LTBP1: variants seen among roughly 807,000 people sequenced by gnomAD.
The protein encoded by LTBP1 is latent-transforming growth factor beta-binding protein 1.
LTBP1 carries 129 observed loss-of-function variants against 207.6 expected under a neutral mutation model. That is an observed-to-expected ratio of 0.62 (90% CI 0.54 to 0.72). The LOEUF (loss-of-function observed/expected upper bound fraction) is 0.72, where lower values mean the gene tolerates loss of function less well. LTBP1 is among the 30% of genes least tolerant of loss of function. The pLI, the probability that LTBP1 is intolerant of heterozygous loss-of-function variation, is 0.00. For synonymous variants in LTBP1, 963 were observed against 833.7 expected, an observed-to-expected ratio of 1.16 and a Z score of -2.67; for missense variants, 2,281 against 2,217.2, an observed-to-expected ratio of 1.03 and a Z score of -0.58.
chr2:33,365,639 G>GTA, intron 31 of LTBP1, 136 bp downstream of exon 31: 1 of 791,498 alleles, frequency 1.3e-6, no homozygotes, highest in Non-Finnish European at 2.0e-6. Context: ...GTGTGTGTGT[G>GTA]TGTGTGTGTG....
chr2:33,103,633 T>TGTGTGTG (rs780868356), intron 3 of LTBP1, among the ~76,000 whole-genome samples: 4,110 of 122,942 alleles, frequency 0.033, 97 homozygotes, highest in Non-Finnish European at 0.051. Context: ...GTGTGAGTGT[T>TGTGTGTG]ATGCTGCCAT....
chr2:33,337,338 G>C (rs2094564472), intron 24 of LTBP1, among the ~76,000 whole-genome samples: 1 of 152,136 alleles, frequency 6.6e-6, no homozygotes, highest in South Asian at 2.1e-4. Context: ...CAAAAGCGTG[G>C]ATCTATTAGT....
chr2:33,024,455 T>A (rs949966479), intron 3 of LTBP1, among the ~76,000 whole-genome samples: 1 of 152,190 alleles, frequency 6.6e-6, no homozygotes, highest in Non-Finnish European at 1.5e-5. Context: ...GGAGTGTGCC[T>A]GAGATGTTTG....
chr2:33,248,866 C>T lies in LTBP1; in HGVS notation c.2000-3811C>T, dbSNP rs574241183. On this transcript the variant is annotated intron_variant, in intron 10 of 33. Transcript: ENST00000404816. ...CCTCCCAAAGTGGTGGGATTACAGG[C>T]ATGAGCCACCGCGCCCAGCCATGAA... Among the ~76,000 whole-genome samples the T allele has an allele frequency of 1.0e-3, 152 of 152,296 alleles. 1 individual carries two copies. Among genetic ancestry groups the T allele is most frequent in the Admixed American group, 4.4e-3 (68 of 15,304 alleles).
At chr2:33,369,737 CTTT>C (rs2095045223) in intron 31 of LTBP1, among the ~76,000 whole-genome samples, 1 of 152,128 alleles carries the variant, frequency 6.6e-6, no homozygotes, top group Non-Finnish European at 1.5e-5. Context: ...CACAGGGGAA[CTTT>C]TCTTTTATAC....
rs114833096 is a variant in LTBP1 at position 32,974,085 on chromosome 2, A to G, written c.565+25140A>G. 7.6e-3 allele frequency among the ~76,000 whole-genome samples: 1,155 copies of G among 152,262 alleles called. 14 individuals are homozygous for G. The highest frequency in any genetic ancestry group is 0.025 in the African/African-American group (1,054 of 41,550). On this transcript the variant is annotated intron_variant, in intron 2 of 33. Transcript: ENST00000404816. ...ATAGGAGTGCAAATATCTCTTTGGT[A>G]TACTGATTTTCTTTCTTTTGGGTGT...
chr2:33,104,704 C>G (rs1311342521), intron 3 of LTBP1, among the ~76,000 whole-genome samples: 1 of 152,156 alleles, frequency 6.6e-6, no homozygotes, highest in East Asian at 1.9e-4. Context: ...TTTCCTGAAA[C>G]ATTTTTGCAT....
intron 26 of LTBP1, among the ~76,000 whole-genome samples, chr2:33,348,032 G>C (rs2094727268): frequency 6.6e-6 from 1 of 152,134 alleles, no homozygotes; most frequent in Admixed American, 6.5e-5. Flanking sequence ...TTTGATTTAG[G>C]CTGTGTCGTC....
chr2:33,220,508 T>G (rs2091034287), intron 8 of LTBP1, among the ~76,000 whole-genome samples: 1 of 152,208 alleles, frequency 6.6e-6, no homozygotes, highest in Non-Finnish European at 1.5e-5. Context: ...TGTGACCCAT[T>G]AGAAATGTGC....
intron 5 of LTBP1, among the ~76,000 whole-genome samples, chr2:33,150,710 C>CTTTTTTTTTTTTTTTTTTTTTTTT (rs1176008947): frequency 1.3e-4 from 9 of 69,296 alleles, no homozygotes; most frequent in Non-Finnish European, 1.8e-4. Flanking sequence ...TTTTCTTTTT[C>CTTTTTTTTTTTTTTTTTTTTTTTT]TTTTTTTTTT....
chr2:33,151,838 TGTGTGTGTGTGTG>T (rs2083560287), intron 5 of LTBP1, among the ~76,000 whole-genome samples: 1 of 107,980 alleles, frequency 9.3e-6, no homozygotes, highest in African/African-American at 3.6e-5. Context: ...TGTGTGTGTG[TGTGTGTGTGTGTG>T]TGTGTGTGTG....
At chr2:33,024,053 A>G (rs1339963960) in intron 3 of LTBP1, among the ~76,000 whole-genome samples, 3 of 152,230 alleles carry the variant, frequency 2.0e-5, no homozygotes, top group Admixed American at 6.5e-5. Flanking sequence ...TGTGTGTCAC[A>G]TGAAGTGCTA....
chr2:33,354,576 T>G (rs998499310), intron 26 of LTBP1, among the ~76,000 whole-genome samples: 2 of 152,056 alleles, frequency 1.3e-5, no homozygotes, highest in African/African-American at 2.4e-5. Context: ...TTTTTTAAGA[T>G]TTTCTGCTTG....
At chr2:33,145,268 A>G (rs1251512906) in intron 5 of LTBP1, among the ~76,000 whole-genome samples, 1 of 152,146 alleles carries the variant, frequency 6.6e-6, no homozygotes, top group Non-Finnish European at 1.5e-5. Context: ...TTGGGGAGAA[A>G]AAAAAAAACT....
intron 5 of LTBP1, among the ~76,000 whole-genome samples, chr2:33,165,875 T>C (rs2084871566): frequency 6.6e-6 from 1 of 152,216 alleles, no homozygotes; most frequent in Admixed American, 6.5e-5. Flanking sequence ...AAATGGCTTG[T>C]GAAAATAAGG....
At chr2:33,086,045 A>T (rs2078739481) in intron 3 of LTBP1, among the ~76,000 whole-genome samples, 1 of 152,372 alleles carries the variant, frequency 6.6e-6, no homozygotes, top group African/African-American at 2.4e-5. Context: ...CATCAGTGAT[A>T]ATCACAAAGC....
At chr2:33,201,649 AG>A (rs1445913684) in intron 7 of LTBP1, among the ~76,000 whole-genome samples, 4 of 152,138 alleles carry the variant, frequency 2.6e-5, no homozygotes, top group African/African-American at 7.2e-5. Context: ...AAAAAGAAGA[AG>A]AAAAAAAAAG....
chr2:33,100,601 T>C (rs2079669970), intron 3 of LTBP1, among the ~76,000 whole-genome samples: 1 of 152,180 alleles, frequency 6.6e-6, no homozygotes, highest in Non-Finnish European at 1.5e-5. Context: ...TTCATGGAAG[T>C]ACATGCACCG....
At chr2:33,314,002 T>C (rs989240899) in intron 23 of LTBP1, among the ~76,000 whole-genome samples, 6 of 152,224 alleles carry the variant, frequency 3.9e-5, no homozygotes, top group Non-Finnish European at 1.5e-5. Context: ...AAGAGCCTTT[T>C]ACTTATAGTA....
Sources: gnomAD v4.1 joint callset for allele counts (sites outside exome capture counted in the v4.1 genomes callset) on GRCh38, gnomAD v4.1.1 for gene constraint, MANE v1.5 for transcripts, NCBI Gene and HGNC (gene_info 2026-07-23, HGNC 2026-07-21) for gene names.